EPM2A: variants seen among roughly 807,000 people sequenced by gnomAD.
The protein encoded by EPM2A is EPM2A glucan phosphatase, laforin.
EPM2A carries 21 observed loss-of-function variants against 26.5 expected under a neutral mutation model. The observed-to-expected ratio is 0.79, with a 90% CI of 0.56 to 1.14. The LOEUF is 1.14. EPM2A is among the 50% of genes most tolerant of loss of function. EPM2A has a pLI of 0.00. For synonymous variants in EPM2A, 217 were observed against 177.6 expected (o/e 1.22, Z -1.76); for missense variants, 458 against 440.8 (o/e 1.04, Z -0.35).
chr6:145,575,812 A>G (rs950367436), intron 2 of EPM2A, among the ~76,000 whole-genome samples: 4 of 152,194 alleles, frequency 2.6e-5, no homozygotes. Context: ...TTAAGCAGCC[A>G]ACTCTAGAAA....
chr6:145,419,179 G>GCCCCCC (rs1266559813), intron 4 of EPM2A, among the ~76,000 whole-genome samples: 2 of 136,212 alleles, frequency 1.5e-5, no homozygotes, highest in Non-Finnish European at 3.2e-5. Flanking sequence ...TCTGTTAAAT[G>GCCCCCC]TCCCCCCCCC....
rs188178801 is a variant in EPM2A at position 145,535,736 on chromosome 6, T to C, written c.341-33161A>G. On this transcript the variant is annotated intron_variant, in intron 2 of 3. Coordinates refer to the EPM2A transcript ENST00000450221. ...CTTAATCACAATTGTGTCATGTCTA[T>C]AGTAATTTTGGGTAAATTAAATTAA... 2.0e-3 allele frequency among the ~76,000 whole-genome samples: 311 copies of C among 152,388 alleles called. 2 individuals are homozygous for C. Among genetic ancestry groups the C allele is most frequent in the Middle Eastern group, 0.01 (3 of 294 alleles).
chr6:145,561,220 C>G (rs1780800340), intron 2 of EPM2A, among the ~76,000 whole-genome samples: 1 of 150,932 alleles, frequency 6.6e-6, no homozygotes, highest in Non-Finnish European at 1.5e-5. Context: ...GTTTAAATTG[C>G]CTGTGGTTAC....
intron 4 of EPM2A, among the ~76,000 whole-genome samples, chr6:145,453,487 A>C (rs1582767602): frequency 6.6e-6 from 1 of 152,102 alleles, no homozygotes; most frequent in Non-Finnish European, 1.5e-5. Flanking sequence ...TTTTTAAACC[A>C]AAAGAAAAAA....
In EPM2A at chr6:145,414,273, C is replaced by T. The variant is rs551527223; in HGVS notation, c.556-30176G>A. ...GGCTTTGTTAGTGTGGATTTGATAC[C>T]AGTCTCTCTACTTCATGAACTCTGA... On this transcript the variant is annotated intron_variant, in intron 4 of 4. Transcript: ENST00000638717. Among the ~76,000 whole-genome samples, 3 of 152,074 alleles carry T rather than the reference C, an allele frequency of 2.0e-5. No homozygotes were observed. In the South Asian group the frequency reaches 6.2e-4, roughly 32 times the overall value.
chr6:145,683,313 G>GTGTGTGTGTGTA (rs1178628366), intron 2 of EPM2A, among the ~76,000 whole-genome samples: 296 of 147,402 alleles, frequency 2.0e-3, no homozygotes, highest in Non-Finnish European at 2.7e-3. Flanking sequence ...GTGTGAGTGT[G>GTGTGTGTGTGTA]TATATATTAG....
At chr6:145,594,476 T>C (rs1472419592) in intron 2 of EPM2A, among the ~76,000 whole-genome samples, 2 of 151,790 alleles carry the variant, frequency 1.3e-5, no homozygotes, top group Non-Finnish European at 3.0e-5. Flanking sequence ...AGCTTAATGC[T>C]GGAACTCGAT....
At chr6:145,658,406 G>T (rs1055511726) in intron 2 of EPM2A, among the ~76,000 whole-genome samples, 12 of 151,946 alleles carry the variant, frequency 7.9e-5, no homozygotes, top group Admixed American at 2.6e-4. Flanking sequence ...CATTATTTCT[G>T]TCTCTCATTA....
intron 4 of EPM2A, chr6:145,492,044 G>T (rs575749313): frequency 8.1e-5 from 25 of 309,798 alleles, no homozygotes; most frequent in South Asian, 6.9e-4. Flanking sequence ...ATCATCTGAT[G>T]ATGTTCAGGA....
intron 4 of EPM2A, among the ~76,000 whole-genome samples, chr6:145,441,785 A>G (rs1394880804): frequency 1.3e-5 from 2 of 152,128 alleles, no homozygotes; most frequent in East Asian, 1.9e-4. Flanking sequence ...TCACTTGAAC[A>G]TGGGAGGCAA....
intron 4 of EPM2A, among the ~76,000 whole-genome samples, chr6:145,465,120 C>T (rs571866241): frequency 9.2e-5 from 14 of 152,042 alleles, no homozygotes; most frequent in East Asian, 1.9e-4. Context: ...ACCAATCAGA[C>T]GTAGATTTGG....
chr6:145,458,756 GC>G (rs929807706), intron 4 of EPM2A, among the ~76,000 whole-genome samples: 6 of 113,358 alleles, frequency 5.3e-5, no homozygotes, highest in Admixed American at 1.2e-4. Flanking sequence ...ATATCTCCCC[GC>G]CCCCCGCCCA....
At chr6:145,536,900 C>T (rs531329688) in intron 2 of EPM2A, among the ~76,000 whole-genome samples, 47 of 152,192 alleles carry the variant, frequency 3.1e-4, no homozygotes, top group Middle Eastern at 6.8e-3. Context: ...AAAGCTTTAT[C>T]GTGGAAAAAA....
At chr6:145,479,540 G>T (rs561651990) in intron 4 of EPM2A, among the ~76,000 whole-genome samples, 3 of 151,924 alleles carry the variant, frequency 2.0e-5, no homozygotes, top group African/African-American at 7.2e-5. Flanking sequence ...GTCCTTTTGT[G>T]ATAGACTTAT....
At chr6:145,605,390 G>C (rs1052469360) in intron 2 of EPM2A, among the ~76,000 whole-genome samples, 1 of 151,978 alleles carries the variant, frequency 6.6e-6, no homozygotes, top group African/African-American at 2.4e-5. Context: ...ATACTCGTGG[G>C]CACTGCCCTT....
At chr6:145,460,392 A>G (rs1230400847) in intron 4 of EPM2A, among the ~76,000 whole-genome samples, 1 of 152,184 alleles carries the variant, frequency 6.6e-6, no homozygotes. Flanking sequence ...AGTCTTCCCA[A>G]CTATAAACTA....
intron 2 of EPM2A, among the ~76,000 whole-genome samples, chr6:145,647,710 G>A (rs1166778985): frequency 6.6e-6 from 1 of 152,020 alleles, no homozygotes; most frequent in Non-Finnish European, 1.5e-5. Flanking sequence ...AAAGGGGAAG[G>A]GGAAGGGGAA....
intron 1 of EPM2A, among the ~76,000 whole-genome samples, chr6:145,689,298 T>C (rs551058440): frequency 6.6e-6 from 1 of 152,250 alleles, no homozygotes; most frequent in Non-Finnish European, 1.5e-5. Flanking sequence ...ATGGCAAAAA[T>C]GAATAGTAAA....
intron 2 of EPM2A, among the ~76,000 whole-genome samples, chr6:145,576,043 C>T (rs1013387622): frequency 6.6e-6 from 1 of 152,134 alleles, no homozygotes; most frequent in African/African-American, 2.4e-5. Flanking sequence ...ACCATGTTGG[C>T]CAGGCTGGTC....
Sources: allele counts gnomAD v4.1 joint callset (sites outside exome capture counted in the v4.1 genomes callset), GRCh38; gene constraint gnomAD v4.1.1; transcripts MANE v1.5; gene names NCBI Gene and HGNC (gene_info 2026-07-23, HGNC 2026-07-21).